Variants in RNF8 observed in about 807,000 individuals in gnomAD.
RNF8 encodes the protein ring finger protein 8.
In RNF8, 8 loss-of-function variants were observed where a neutral mutation model predicts 59.3. That is an observed-to-expected ratio of 0.13 (90% CI 0.08 to 0.24). The LOEUF (loss-of-function observed/expected upper bound fraction) is 0.24. RNF8 is among the 10% of genes least tolerant of loss of function. The pLI is 1.00. For missense variants in RNF8, 406 were observed against 572.6 expected, an observed-to-expected ratio of 0.71 and a Z score of 2.97; for synonymous variants, 162 against 200.0, an observed-to-expected ratio of 0.81 and a Z score of 1.60.
In RNF8 at chr6:37,390,929, C is replaced by A; in HGVS notation, c.*171C>A. ...GTCACTTGCCTTCCACGGTGGCCAG[C>A]CCTGCTGCCATCATTGGCTGAAGCA... On this transcript the variant is annotated 3_prime_UTR_variant, in exon 8 of 8. Transcript: ENST00000373479. 2 of 1,068,084 alleles carry A rather than the reference C, an allele frequency of 1.9e-6. No individual in the cohort carries two copies. Among genetic ancestry groups the A allele is most frequent in the Non-Finnish European group, 2.9e-6 (2 of 694,750 alleles). The allele number at this position is 1,068,084 out of a possible 1,614,324, so 66.2% of individuals were successfully genotyped here.
intron 6 of RNF8, among the ~76,000 whole-genome samples, chr6:37,378,911 A>G (rs1376029054): frequency 6.6e-6 from 1 of 152,232 alleles, no homozygotes; most frequent in South Asian, 2.1e-4. Flanking sequence ...GACATATAAG[A>G]CATAAACAAC....
At chr6:37,373,555 C>T (rs911941851) in intron 4 of RNF8, among the ~76,000 whole-genome samples, 4 of 152,088 alleles carry the variant, frequency 2.6e-5, no homozygotes, top group Admixed American at 1.3e-4. Flanking sequence ...CATAGGCGCG[C>T]GCCACAATGC....
intron 1 of RNF8, among the ~76,000 whole-genome samples, chr6:37,359,584 G>A (rs145920355): frequency 7.2e-5 from 11 of 152,264 alleles, no homozygotes; most frequent in Non-Finnish European, 1.2e-4. Context: ...AAGGTCCTGC[G>A]CTTGAATCCA....
At chr6:37,357,171 T>A (rs893220350) in intron 1 of RNF8, among the ~76,000 whole-genome samples, 1 of 152,244 alleles carries the variant, frequency 6.6e-6, no homozygotes, top group South Asian at 2.1e-4. Context: ...TGCAAAACTA[T>A]TGTAAATGAA....
chr6:37,383,111 A>C (rs879469190), intron 7 of RNF8, among the ~76,000 whole-genome samples: 3 of 152,178 alleles, frequency 2.0e-5, no homozygotes, highest in Non-Finnish European at 4.4e-5. Context: ...GGTGTCTCTC[A>C]CTTTTTTGGT....
At chr6:37,387,396 A>G (rs144421969) in intron 7 of RNF8, among the ~76,000 whole-genome samples, 84 of 152,254 alleles carry the variant, frequency 5.5e-4, no homozygotes, top group African/African-American at 1.9e-3. Context: ...GGCTGAGTGC[A>G]GTGGCATGAT....
Position 37,360,619 on chromosome 6 carries a change from A to G in RNF8, c.240+45A>G. Reference sequence around the variant, plus strand: ...CCTAATGACTTTTATTTGTTTTTAAATTACTTTTTTTTTTTTTTGCATAGG... The same window carrying G: ...CCTAATGACTTTTATTTGTTTTTAAGTTACTTTTTTTTTTTTTTGCATAGG... On this transcript the variant is annotated intron_variant, in intron 2 of 7. Coordinates refer to ENST00000373479, the MANE Select transcript of RNF8 (RefSeq NM_003958.4). The surrounding 1 kb of genome is among the most constrained non-coding windows in gnomAD (Gnocchi z 4.2). The G allele has an allele frequency of 6.5e-7, 1 of 1,526,778 alleles. No individual in the cohort carries two copies. Among genetic ancestry groups the G allele is most frequent in the Non-Finnish European group, 8.8e-7 (1 of 1,137,910 alleles). 94.6% of individuals were successfully genotyped at this position (1,526,778 alleles called of 1,614,324 possible).
In RNF8 at chr6:37,374,339, G is replaced by C. The variant is rs117933715; in HGVS notation, c.1039-281G>C. On this transcript the variant is annotated intron_variant, in intron 4 of 7. Coordinates refer to ENST00000373479, the MANE Select transcript of RNF8 (RefSeq NM_003958.4). ...CTATAGAAGCAGACTCTGGGACACA[G>C]TGAAAGTTCTTCAGTTGACTTGGAT... Among the ~76,000 whole-genome samples the C allele has an allele frequency of 4.6e-5, 7 of 152,298 alleles. No homozygotes were observed. In the East Asian group the frequency reaches 1.3e-3, roughly 29 times the overall value.
rs115793281 is a variant in RNF8 at position 37,374,573 on chromosome 6, G to A, written c.1039-47G>A. ...AGGCATGTTTGTGGCTAAAAGGAAGGATGCATTGTAGTTCATCCTGAGTAT... is the reference window on the plus strand; with the variant it reads ...AGGCATGTTTGTGGCTAAAAGGAAGAATGCATTGTAGTTCATCCTGAGTAT... On this transcript the variant is annotated intron_variant, in intron 4 of 7. Transcript: ENST00000373479. 5.3e-5 allele frequency: 74 copies of A among 1,385,990 alleles called. No homozygotes were observed. In the African/African-American group the frequency reaches 1.0e-3, roughly 19 times the overall value. 85.9% of individuals were successfully genotyped at this position (1,385,990 alleles called of 1,614,324 possible).
rs200418582 is a variant in RNF8 at position 37,377,774 on chromosome 6, T to TA, written c.1236+744dup. On this transcript the variant is annotated intron_variant, in intron 6 of 7. Transcript: ENST00000373479. ...TAGTGCAACCTTTTAAACGAGGGGG[T>TA]AAACGTCATTAAAATGTGGTCACTT... Among the ~76,000 whole-genome samples the TA allele has an allele frequency of 1.0e-3, 154 of 152,244 alleles. 5 individuals are homozygous for TA. The East Asian group carries it at 0.027, about 26-fold the overall frequency.
chr6:37,378,578 G>A (rs977681671), intron 6 of RNF8, among the ~76,000 whole-genome samples: 2 of 143,430 alleles, frequency 1.4e-5, no homozygotes, highest in African/African-American at 5.4e-5. Flanking sequence ...TCCAGCATGG[G>A]TGACAGAGCG....
intron 1 of RNF8, among the ~76,000 whole-genome samples, chr6:37,357,139 A>C (rs1769150401): frequency 6.6e-6 from 1 of 152,232 alleles, no homozygotes; most frequent in South Asian, 2.1e-4. Context: ...TTAGATCAAT[A>C]ATGTGTGTAA....
intron 1 of RNF8, chr6:37,359,372 A>T (rs1769233377): frequency 1.1e-5 from 3 of 268,142 alleles, no homozygotes; most frequent in Middle Eastern, 4.3e-4. Context: ...GTTAATGTTT[A>T]CTAGGTTTTC....
rs1770798952 is a variant in RNF8 at position 37,394,151 on chromosome 6, G to A, written c.*3393G>A. On this transcript the variant is annotated 3_prime_UTR_variant, in exon 8 of 8. Transcript: ENST00000373479. ...CTAATCTAAGATCAGGAGAATCCTG[G>A]AATTGTTATCTGTCTCTTGCTCTGA... 1.3e-5 allele frequency: 2 copies of A among 152,212 alleles called. No individual in the cohort carries two copies. Among genetic ancestry groups the A allele is most frequent in the South Asian group, 4.1e-4 (2 of 4,838 alleles). The allele number at this position is 152,212 out of a possible 1,614,324, so 9.4% of individuals were successfully genotyped here.
chr6:37,368,007 C>CT (rs980688134), intron 2 of RNF8, among the ~76,000 whole-genome samples: 14 of 152,148 alleles, frequency 9.2e-5, no homozygotes, highest in Admixed American at 3.9e-4. Flanking sequence ...ATAGTACTCT[C>CT]TTTTTTTTGG....
intron 2 of RNF8, 88 bp from the exon 3 acceptor site, chr6:37,368,396 G>A (rs1195626179): frequency 1.9e-6 from 3 of 1,611,716 alleles, no homozygotes; most frequent in Non-Finnish European, 2.5e-6. Flanking sequence ...TTCTGAAAAG[G>A]CAGAAGATTT....
chr6:37,384,944 C>A (rs1770427999), intron 7 of RNF8, among the ~76,000 whole-genome samples: 1 of 152,044 alleles, frequency 6.6e-6, no homozygotes, highest in Non-Finnish European at 1.5e-5. Context: ...GAAAATGGAT[C>A]TTGGCAAGGT....
chr6:37,369,120 C>G lies in RNF8; in HGVS notation c.877C>G (p.Gln293Glu), dbSNP rs964452412. The G allele has an allele frequency of 5.6e-6, 9 of 1,614,074 alleles. No homozygotes were observed. Among genetic ancestry groups the G allele is most frequent in the Admixed American group, 3.3e-5 (2 of 60,000 alleles). The part of the protein sequence containing the change: ...KKVVQMEQEL[Q>E]DLQSQLCAEQ... ...AGTTGTGCAAATGGAGCAGGAACTTCAGGACTTACAGTCCCAGCTGTGTGC... is the reference window on the plus strand; with the variant it reads ...AGTTGTGCAAATGGAGCAGGAACTTGAGGACTTACAGTCCCAGCTGTGTGC... The change falls in exon 3 of 8, where the codon CAG becomes GAG. Residue 293 changes from glutamine to glutamate, a missense_variant. Physicochemically the swap from Gln to Glu is conservative, Grantham distance 29. Transcript: ENST00000373479.
intron 6 of RNF8, among the ~76,000 whole-genome samples, chr6:37,380,765 C>A (rs911012510): frequency 6.6e-6 from 1 of 152,016 alleles, no homozygotes; most frequent in Non-Finnish European, 1.5e-5. Flanking sequence ...TCACTGCAAC[C>A]TCCATCTCCT....
Sources: allele counts gnomAD v4.1 joint callset (sites outside exome capture counted in the v4.1 genomes callset), GRCh38; gene constraint gnomAD v4.1.1; non-coding constraint Gnocchi (gnomAD v3.1); transcripts MANE v1.5; gene names NCBI Gene and HGNC (gene_info 2026-07-23, HGNC 2026-07-21).